The following ZBTB37 variants were observed in gnomAD, a reference collection of about 807,000 sequenced individuals.
The protein encoded by ZBTB37 is zinc finger and BTB domain containing 37.
A neutral mutation model predicts 37.7 loss-of-function variants in ZBTB37; 15 were observed. That is an observed-to-expected ratio of 0.40 (90% CI 0.27 to 0.61). The LOEUF (loss-of-function observed/expected upper bound fraction) is 0.61. Among genes scored for constraint, ZBTB37 ranks in the 20% least tolerant of loss-of-function variants. ZBTB37 has a pLI of 0.44. For missense variants in ZBTB37, 514 were observed against 641.9 expected (o/e 0.80, Z 2.15); for synonymous variants, 231 against 220.6 (o/e 1.05, Z -0.42).
chr1:173,876,144 T>C (rs2102730707), intron 4 of ZBTB37, among the ~76,000 whole-genome samples: 1 of 152,194 alleles, frequency 6.6e-6, no homozygotes, highest in Non-Finnish European at 1.5e-5. Context: ...CTCACAGGTC[T>C]GATTGAATGA....
exon 3 of ZBTB37, chr1:173,870,404 A>C: frequency 6.2e-7 from 1 of 1,614,228 alleles, no homozygotes; most frequent in Non-Finnish European, 8.5e-7. Context: ...TTCCGGGATC[A>C]CATGTCCTTG....
chr1:173,881,884 C>T (rs1656331165), intron 4 of ZBTB37, among the ~76,000 whole-genome samples: 1 of 151,998 alleles, frequency 6.6e-6, no homozygotes, highest in African/African-American at 2.4e-5. Flanking sequence ...GAAACCCTGT[C>T]TCTACTAAAA....
At chr1:173,879,161 G>C (rs1030065467) in intron 4 of ZBTB37, among the ~76,000 whole-genome samples, 3 of 151,456 alleles carry the variant, frequency 2.0e-5, no homozygotes, top group African/African-American at 7.3e-5. Context: ...TACATGGAAA[G>C]CCCCCAGTTG....
At chr1:173,897,136 T>C (rs1657081639) in exon 4 of ZBTB37, 1 of 152,232 alleles carries the variant, frequency 6.6e-6, no homozygotes, top group Non-Finnish European at 1.5e-5. Flanking sequence ...AGATAGTTCA[T>C]GCAAATAACT....
exon 3 of ZBTB37, chr1:173,870,831 T>G: frequency 6.2e-7 from 1 of 1,614,218 alleles, no homozygotes; most frequent in African/African-American, 1.3e-5. Flanking sequence ...TTGAACCAAG[T>G]TCTGATGTAG....
At chr1:173,879,015 C>T (rs910119091) in intron 4 of ZBTB37, among the ~76,000 whole-genome samples, 14 of 150,096 alleles carry the variant, frequency 9.3e-5, no homozygotes, top group East Asian at 3.9e-4. Flanking sequence ...CGTTTGAACC[C>T]GGGAGGTGGA....
exon 4 of ZBTB37, chr1:173,895,075 CTA>C (rs1237569575): frequency 6.6e-6 from 1 of 152,126 alleles, no homozygotes; most frequent in Non-Finnish European, 1.5e-5. Flanking sequence ...TAGAAATACT[CTA>C]GAGGGAGTAA....
exon 4 of ZBTB37, chr1:173,873,494 C>T (rs1219764350): frequency 1.9e-6 from 3 of 1,613,430 alleles, no homozygotes; most frequent in South Asian, 1.1e-5. Flanking sequence ...GTGTTGTTCC[C>T]TTGACAGAGA....
chr1:173,870,899 G>C (rs1170062165), exon 3 of ZBTB37: 12 of 1,614,124 alleles, frequency 7.4e-6, no homozygotes, highest in Non-Finnish European at 1.0e-5. Context: ...GTGGAGACAG[G>C]AGTGGCGGAC....
At chr1:173,891,005 T>C (rs1333873770), downstream of ZBTB37, 1 of 152,244 alleles carries the variant, frequency 6.6e-6, no homozygotes, top group Non-Finnish European at 1.5e-5. Flanking sequence ...TATACATGTT[T>C]TCTTGAAAGA....
intron 4 of ZBTB37, among the ~76,000 whole-genome samples, chr1:173,881,423 A>G (rs1459327677): frequency 2.0e-5 from 3 of 152,198 alleles, no homozygotes; most frequent in African/African-American, 2.4e-5. Context: ...TAACGTGTGC[A>G]TGTGTCTTTA....
chr1:173,886,257 A>C, exon 5 of ZBTB37: 1 of 1,380,212 alleles, frequency 7.2e-7, no homozygotes, highest in Non-Finnish European at 9.6e-7. Flanking sequence ...GATGTTGCCA[A>C]ACTGGAGGAT....
In ZBTB37 at chr1:173,892,663, T is replaced by G. The variant is rs562612717; in HGVS notation, c.*6539T>G. ...ATATTACTTGAAACCCCCATTATCT[T>G]TATAGAGGGTACGTATATAAATTTT... On this transcript the variant is annotated 3_prime_UTR_variant, in exon 4 of 4. Transcript: ENST00000367701. 1.4e-4 allele frequency: 22 copies of G among 152,282 alleles called. 1 individual carries two copies. The highest frequency in any genetic ancestry group is 5.1e-4 in the African/African-American group (21 of 41,552). 9.4% of individuals were successfully genotyped at this position (152,282 alleles called of 1,614,324 possible).
At chr1:173,880,816 T>G (rs1656255660) in intron 4 of ZBTB37, among the ~76,000 whole-genome samples, 1 of 152,242 alleles carries the variant, frequency 6.6e-6, no homozygotes, top group African/African-American at 2.4e-5. Flanking sequence ...CAGTAATTTT[T>G]TGGATGAGAC....
chr1:173,875,028 A>G (rs1016566584), intron 4 of ZBTB37, among the ~76,000 whole-genome samples: 2 of 151,998 alleles, frequency 1.3e-5, no homozygotes, highest in African/African-American at 4.8e-5. Flanking sequence ...CACACTGTAG[A>G]CCTGATAGTA....
chr1:173,877,008 T>C (rs954160821), intron 4 of ZBTB37, among the ~76,000 whole-genome samples: 1 of 152,220 alleles, frequency 6.6e-6, no homozygotes, highest in Admixed American at 6.5e-5. Flanking sequence ...CTGAATACTG[T>C]AGGCAGTTAC....
chr1:173,884,695 TGTG>T (rs5778781), intron 4 of ZBTB37, among the ~76,000 whole-genome samples: 41,906 of 152,006 alleles, frequency 0.28, 6,344 homozygotes, highest in African/African-American at 0.39. Context: ...TAGATTAAAA[TGTG>T]GTATTAATGA....
intron 4 of ZBTB37, among the ~76,000 whole-genome samples, chr1:173,877,282 G>A (rs1027896055): frequency 1.3e-5 from 2 of 151,016 alleles, no homozygotes; most frequent in Admixed American, 6.6e-5. Context: ...ATAAACTTGA[G>A]TAATAGTGTT....
At chr1:173,901,320 A>G (rs1657249139) in exon 4 of ZBTB37, 1 of 151,812 alleles carries the variant, frequency 6.6e-6, no homozygotes, top group African/African-American at 2.4e-5. Context: ...GTTTTAGCAC[A>G]TTGCATTATT....
Sources: gnomAD v4.1 joint callset for allele counts (sites outside exome capture counted in the v4.1 genomes callset) on GRCh38, gnomAD v4.1.1 for gene constraint, MANE v1.5 for transcripts, NCBI Gene and HGNC (gene_info 2026-07-23, HGNC 2026-07-21) for gene names.